The following PICK1 variants were observed in gnomAD, a reference collection of about 807,000 sequenced individuals.
PICK1 encodes protein interacting with PRKCA 1, also known as PRKCA-binding protein.
In PICK1, 23 loss-of-function variants were observed where a neutral mutation model predicts 48.9. The ratio of observed to expected loss-of-function variants is 0.47; its 90% CI spans 0.34 to 0.67. The LOEUF (loss-of-function observed/expected upper bound fraction) is 0.67, where lower values mean the gene tolerates loss of function less well. Among genes scored for constraint, PICK1 ranks in the 30% least tolerant of loss-of-function variants. The pLI is 0.01. For missense variants in PICK1, 423 were observed against 557.1 expected (o/e 0.76, Z 2.42); for synonymous variants, 217 against 228.2 (o/e 0.95, Z 0.44).
intron 5 of PICK1, 58 bp downstream of exon 5, chr22:38,067,828 C>T (rs1215044031): frequency 4.2e-6 from 6 of 1,433,288 alleles, no homozygotes; most frequent in Non-Finnish European, 5.9e-6. Flanking sequence ...GGCCCTGGCC[C>T]AAAGGAGAAG....
At chr22:38,063,825 T>A (rs2145864223) in intron 3 of PICK1, among the ~76,000 whole-genome samples, 1 of 152,050 alleles carries the variant, frequency 6.6e-6, no homozygotes. Flanking sequence ...GTGTTTTTTG[T>A]AGAGACAAGG....
In PICK1 at chr22:38,073,460, C is replaced by G. The variant is rs2085751661; in HGVS notation, c.784-313C>G. On this transcript the variant is annotated intron_variant, in intron 10 of 12. Coordinates refer to ENST00000356976, the MANE Select transcript of PICK1 (RefSeq NM_012407.4). This position sits in a 1 kb window ranked among gnomAD's most constrained non-coding sequence, Gnocchi z 5.7. ...GAGAGAAAATGCTCTATTAAGCAAGCCAAGGTTCCTTTGCTGCAGGACTTA... is the reference window on the plus strand; with the variant it reads ...GAGAGAAAATGCTCTATTAAGCAAGGCAAGGTTCCTTTGCTGCAGGACTTA... Among the ~76,000 whole-genome samples the G allele has an allele frequency of 6.6e-6, 1 of 152,230 alleles. No individual in the cohort carries two copies. The highest frequency in any genetic ancestry group is 2.4e-5 in the African/African-American group (1 of 41,444).
chr22:38,065,177 TC>T (rs1306922001), intron 4 of PICK1, 47 bp downstream of exon 4: 1 of 1,588,532 alleles, frequency 6.3e-7, no homozygotes, highest in South Asian at 1.1e-5. Flanking sequence ...AACACATGTT[TC>T]TGAGACCTCC....
Position 38,075,670 on chromosome 22 carries a change from T to G in PICK1, c.*538T>G. On this transcript the variant is annotated 3_prime_UTR_variant, in exon 13 of 13. Transcript: ENST00000356976. ...CTGAAGGAGGGCTGGGTTCTGGGCCTGTATCGAATAAACACAAACCTGGAT... is the reference window on the plus strand; with the variant it reads ...CTGAAGGAGGGCTGGGTTCTGGGCCGGTATCGAATAAACACAAACCTGGAT... 1 of 156,594 alleles carries G rather than the reference T, an allele frequency of 6.4e-6. No homozygotes were observed. Among genetic ancestry groups the G allele is most frequent in the Non-Finnish European group, 1.4e-5 (1 of 70,580 alleles). 9.7% of individuals were successfully genotyped at this position (156,594 alleles called of 1,614,324 possible).
At chr22:38,057,361 TG>T (rs113712849), upstream of PICK1, 4 of 223,956 alleles carry the variant, frequency 1.8e-5, no homozygotes, top group East Asian at 1.1e-4. Flanking sequence ...AAATATCCAG[TG>T]GGGGGAAAGC....
intron 8 of PICK1, 106 bp from the exon 9 acceptor site, chr22:38,072,371 T>C: frequency 7.3e-6 from 10 of 1,364,504 alleles, no homozygotes; most frequent in Non-Finnish European, 1.0e-5. Context: ...GTGCAGACAT[T>C]GGCTTCCAGC....
At position 38,072,479 on chromosome 22, in the gene PICK1, T is replaced by C. The variant is rs2085722014; in HGVS notation, c.559T>C (p.Phe187Leu). Residue 187 changes from phenylalanine (F) to leucine (L), a missense_variant and splice_region_variant, in exon 9 of 13, where the codon TTT becomes CTT. By Grantham distance (22) the Phe-to-Leu change is conservative. Around this residue, in one of 2 missense-constraint regions of PICK1, gnomAD observed 279 missense variants for 417.8 expected, o/e 0.67. Coordinates refer to ENST00000356976, the MANE Select transcript of PICK1 (RefSeq NM_012407.4). The stretch of plus-strand genomic sequence containing the variant: ...TTCAAGGCAAACTTGTCCTGCAGCC[T>C]TTGGGGACGTGTTCTCCGTGATCGG... Reference protein sequence around the residue: ...FYELSQTHRAFGDVFSVIGVR... With the variant: ...FYELSQTHRALGDVFSVIGVR... 6.2e-7 allele frequency: 1 copy of C among 1,612,764 alleles called. No homozygotes were observed.
rs1179046784 is a variant in PICK1, at chr22:38,057,798, A to T, written c.-12A>T. ...CTGGGCAGTTAGCCAGCCCACTCCAACTCTCGGAACCATGTTTGCAGACTT... is the reference window on the plus strand; with the variant it reads ...CTGGGCAGTTAGCCAGCCCACTCCATCTCTCGGAACCATGTTTGCAGACTT... On this transcript the variant is annotated 5_prime_UTR_variant, in exon 2 of 13. Coordinates refer to ENST00000356976, the MANE Select transcript of PICK1 (RefSeq NM_012407.4). The T allele has an allele frequency of 1.2e-6, 2 of 1,613,684 alleles. No homozygotes were observed. The highest frequency in any genetic ancestry group is 1.7e-6 in the Non-Finnish European group (2 of 1,179,572).
chr22:38,063,220 G>A (rs184231907), intron 3 of PICK1, among the ~76,000 whole-genome samples: 10 of 151,408 alleles, frequency 6.6e-5, no homozygotes, highest in African/African-American at 2.2e-4. Flanking sequence ...GCAGGGGTGC[G>A]ATCATGGCTC....
At position 38,059,342 on chromosome 22, in the gene PICK1, C is replaced by T; in HGVS notation, c.150C>T (p.Val50=). The part of the protein sequence containing the change: ...GAQYCPCLYI[V]QVFDNTPAAL... ...AGTACTGTCCCTGCCTCTATATCGTCCAGGTATTGGGCGCTTTGGAGGGGG... is the reference window on the plus strand; with the variant it reads ...AGTACTGTCCCTGCCTCTATATCGTTCAGGTATTGGGCGCTTTGGAGGGGG... The change falls in exon 3 of 13, where the codon GTC becomes GTT. Residue 50 remains valine (V), a synonymous_variant. Coordinates refer to ENST00000356976, the MANE Select transcript of PICK1 (RefSeq NM_012407.4). The T allele has an allele frequency of 6.4e-7, 1 of 1,553,594 alleles. No individual in the cohort carries two copies. The highest frequency in any genetic ancestry group is 8.7e-7 in the Non-Finnish European group (1 of 1,146,720).
In PICK1 at chr22:38,069,054, G is replaced by A. The variant is rs1011013513; in HGVS notation, c.371G>A (p.Arg124Gln). 8.7e-6 allele frequency: 14 copies of A among 1,613,380 alleles called. No homozygotes were observed. Among genetic ancestry groups the A allele is most frequent in the East Asian group, 2.2e-5 (1 of 44,850 alleles). The change falls in exon 6 of 13, where the codon CGG becomes CAG. Residue 124 changes from arginine to glutamine, a missense_variant. By Grantham distance (43) the Arg-to-Gln change is conservative. Transcript: ENST00000356976. ...LDIVLKKVKH[R>Q]LVENMSSGTA... ...TCAGTGTTGAAGAAAGTCAAGCACC[G>A]GCTGGTGGAGAACATGAGTTCAGGG...
At position 38,072,744 on chromosome 22, in the gene PICK1, G is replaced by A. The variant is rs1034593961; in HGVS notation, c.690+134G>A. ...GGCTCAGTCACCCACACAGTGGACT[G>A]TGGGTGAGTCACTGTGCCCCCTTGG... On this transcript the variant is annotated intron_variant, in intron 9 of 12. Coordinates refer to ENST00000356976, the MANE Select transcript of PICK1 (RefSeq NM_012407.4). 8 of 1,338,274 alleles carry A rather than the reference G, an allele frequency of 6.0e-6. No individual in the cohort carries two copies. The African/African-American group carries it at 1.0e-4, about 17-fold the overall frequency. The allele number at this position is 1,338,274 out of a possible 1,614,324, so 82.9% of individuals were successfully genotyped here.
At chr22:38,063,992 A>T (rs1205682317) in intron 3 of PICK1, among the ~76,000 whole-genome samples, 1 of 151,922 alleles carries the variant, frequency 6.6e-6, no homozygotes, top group South Asian at 2.1e-4. Context: ...TGGACTAGGC[A>T]TTTTTCTGAG....
intron 4 of PICK1, 197 bp downstream of exon 4, chr22:38,065,327 C>A: frequency 1.7e-6 from 1 of 597,698 alleles, no homozygotes; most frequent in African/African-American, 1.8e-5. Flanking sequence ...AATCGTGCTC[C>A]AGGACTTGTG....
chr22:38,062,436 C>T (rs554593524), intron 3 of PICK1, among the ~76,000 whole-genome samples: 2 of 152,034 alleles, frequency 1.3e-5, no homozygotes, highest in East Asian at 1.9e-4. Context: ...TTAGTAGAGA[C>T]GGGGTTTCAC....
chr22:38,063,082 C>T (rs982099790), intron 3 of PICK1, among the ~76,000 whole-genome samples: 1 of 151,976 alleles, frequency 6.6e-6, no homozygotes, highest in Non-Finnish European at 1.5e-5. Context: ...TCATGTATCT[C>T]GATGATGACA....
At chr22:38,072,008 C>T in intron 8 of PICK1, 1 of 547,928 alleles carries the variant, frequency 1.8e-6, no homozygotes, top group South Asian at 2.0e-5. Context: ...ATTTATATTT[C>T]TGACAACCTG....
chr22:38,068,586 T>C (rs2085591873), intron 5 of PICK1, among the ~76,000 whole-genome samples: 1 of 152,174 alleles, frequency 6.6e-6, no homozygotes, highest in African/African-American at 2.4e-5. Context: ...ATGCAGTAAC[T>C]GAGTCTGGGG....
Position 38,074,392 on chromosome 22 carries a change from G to A in PICK1, c.920G>A (p.Arg307His). ...CGCTGCCGCCAGGAGGCGCGCGCCC[G>A]CTTCTCCCAGATGCGCAAGGATGTG... is the stretch of plus-strand genomic sequence containing the variant. ...ILRCRQEARA[R>H]FSQMRKDVLE... Residue 307 changes from arginine to histidine, a missense_variant, in exon 12 of 13, where the codon CGC becomes CAC. Arg to His is a conservative substitution (Grantham distance 29). Coordinates refer to ENST00000356976, the MANE Select transcript of PICK1 (RefSeq NM_012407.4). The surrounding 1 kb of genome is among the most constrained non-coding windows in gnomAD (Gnocchi z 4.5). 1 of 1,613,030 alleles carries A rather than the reference G, an allele frequency of 6.2e-7. No homozygotes were observed. Among genetic ancestry groups the A allele is most frequent in the Non-Finnish European group, 8.5e-7 (1 of 1,179,944 alleles).
Sources: allele counts gnomAD v4.1 joint callset (sites outside exome capture counted in the v4.1 genomes callset), GRCh38; gene constraint gnomAD v4.1.1; regional missense constraint gnomAD v4.1.1; non-coding constraint Gnocchi (gnomAD v3.1); transcripts MANE v1.5; gene names NCBI Gene and HGNC (gene_info 2026-07-23, HGNC 2026-07-21).